The following FARS2 variants were observed in gnomAD, a reference collection of about 807,000 sequenced individuals.
The protein encoded by FARS2 is phenylalanyl-tRNA synthetase 2, mitochondrial.
Under a neutral mutation model 46.4 loss-of-function variants are expected in FARS2, and 40 were observed. The observed-to-expected ratio is 0.86, with a 90% CI of 0.67 to 1.12. The LOEUF is 1.12. Among genes scored for constraint, FARS2 ranks in the 50% most tolerant of loss-of-function variants. FARS2 has a pLI of 0.00. For synonymous variants in FARS2, 234 were observed against 214.9 expected, an observed-to-expected ratio of 1.09 and a Z score of -0.78; for missense variants, 513 against 567.9, an observed-to-expected ratio of 0.90 and a Z score of 0.98.
intron 4 of FARS2, among the ~76,000 whole-genome samples, chr6:5,533,865 G>A (rs1434032845): frequency 6.6e-6 from 1 of 152,224 alleles, no homozygotes; most frequent in Non-Finnish European, 1.5e-5. Context: ...GCTTTAAGGG[G>A]ACCCGGTGGC....
chr6:5,755,361 C>T (rs774819841), intron 6 of FARS2, among the ~76,000 whole-genome samples: 8 of 152,060 alleles, frequency 5.3e-5, no homozygotes, highest in Admixed American at 2.0e-4. Flanking sequence ...CTTGAGAGAC[C>T]CTGGTATGTG....
At chr6:5,662,904 G>T (rs1777915677) in intron 6 of FARS2, among the ~76,000 whole-genome samples, 1 of 152,162 alleles carries the variant, frequency 6.6e-6, no homozygotes, top group African/African-American at 2.4e-5. Flanking sequence ...TCATTGTAAG[G>T]ATTAAATTAG....
intron 1 of FARS2, among the ~76,000 whole-genome samples, chr6:5,278,041 A>C (rs889070449): frequency 6.6e-6 from 1 of 152,152 alleles, no homozygotes; most frequent in Non-Finnish European, 1.5e-5. Flanking sequence ...ATCTGTCATT[A>C]ATCTAAATTA....
At chr6:5,292,710 T>C (rs1767589367) in intron 1 of FARS2, among the ~76,000 whole-genome samples, 1 of 152,058 alleles carries the variant, frequency 6.6e-6, no homozygotes, top group Non-Finnish European at 1.5e-5. Context: ...GCCTGGAGCT[T>C]TTAAGGGAGA....
At chr6:5,414,710 C>T (rs1484710586) in intron 3 of FARS2, among the ~76,000 whole-genome samples, 1 of 149,038 alleles carries the variant, frequency 6.7e-6, no homozygotes, top group Non-Finnish European at 1.5e-5. Context: ...GCAAATGAAG[C>T]TTCTATAAAT....
intron 6 of FARS2, among the ~76,000 whole-genome samples, chr6:5,708,551 G>C (rs1240843142): frequency 6.6e-6 from 1 of 152,186 alleles, no homozygotes; most frequent in African/African-American, 2.4e-5. Flanking sequence ...AGATCTGTAA[G>C]TGGCAACCAA....
chr6:5,320,390 T>C (rs1192245893), intron 1 of FARS2, among the ~76,000 whole-genome samples: 1 of 152,208 alleles, frequency 6.6e-6, no homozygotes, highest in East Asian at 1.9e-4. Flanking sequence ...TTGACTGAGA[T>C]TCACCTCTGC....
At chr6:5,424,902 T>G (rs960550589) in intron 3 of FARS2, among the ~76,000 whole-genome samples, 1 of 152,210 alleles carries the variant, frequency 6.6e-6, no homozygotes, top group Admixed American at 6.5e-5. Context: ...CAGATGTCTT[T>G]GACAGTGGCG....
chr6:5,703,864 G>A (rs1260845804), intron 6 of FARS2, among the ~76,000 whole-genome samples: 3 of 152,146 alleles, frequency 2.0e-5, no homozygotes, highest in Admixed American at 2.0e-4. Flanking sequence ...TGGGTTCCTG[G>A]CTTCTCCTTC....
At chr6:5,256,086 T>C (rs1266464039), upstream of FARS2, among the ~76,000 whole-genome samples, 1 of 151,868 alleles carries the variant, frequency 6.6e-6, no homozygotes, top group Non-Finnish European at 1.5e-5. Flanking sequence ...CATGCCAAGA[T>C]TGAGAAATCC....
intron 6 of FARS2, among the ~76,000 whole-genome samples, chr6:5,668,698 T>C (rs1778278464): frequency 6.9e-6 from 1 of 143,986 alleles, no homozygotes; most frequent in African/African-American, 2.6e-5. Context: ...TTTTTTTTTT[T>C]TTTTTTTTTT....
chr6:5,770,572 C>G (rs1762982953), intron 6 of FARS2, among the ~76,000 whole-genome samples: 1 of 152,200 alleles, frequency 6.6e-6, no homozygotes, highest in Non-Finnish European at 1.5e-5. Context: ...GCCAGGCCTG[C>G]CAGTTCATGG....
At chr6:5,577,616 G>A (rs2150573010) in intron 5 of FARS2, among the ~76,000 whole-genome samples, 1 of 152,166 alleles carries the variant, frequency 6.6e-6, no homozygotes, top group Non-Finnish European at 1.5e-5. Context: ...GTCCTTTCTG[G>A]AGGATTTAAT....
At chr6:5,451,364 C>T (rs963042935) in intron 4 of FARS2, among the ~76,000 whole-genome samples, 6 of 152,054 alleles carry the variant, frequency 3.9e-5, no homozygotes, top group Admixed American at 1.3e-4. Context: ...CATTGCATTA[C>T]GTTTCATGAA....
chr6:5,581,435 G>A (rs144870399), intron 5 of FARS2, among the ~76,000 whole-genome samples: 1 of 152,166 alleles, frequency 6.6e-6, no homozygotes, highest in Non-Finnish European at 1.5e-5. Flanking sequence ...ATGTCTAGCC[G>A]GCTAGTGCTG....
chr6:5,649,731 A>G (rs1777251855), intron 6 of FARS2, among the ~76,000 whole-genome samples: 1 of 152,220 alleles, frequency 6.6e-6, no homozygotes, highest in Non-Finnish European at 1.5e-5. Flanking sequence ...GGTAAGTGGC[A>G]AAGCTGGGAT....
At chr6:5,726,982 A>C (rs1210412711) in intron 6 of FARS2, among the ~76,000 whole-genome samples, 2 of 152,228 alleles carry the variant, frequency 1.3e-5, no homozygotes, top group African/African-American at 4.8e-5. Context: ...GCACAGTTCA[A>C]ATACCTTCGT....
intron 6 of FARS2, among the ~76,000 whole-genome samples, chr6:5,622,168 A>G (rs561271070): frequency 4.6e-4 from 70 of 152,328 alleles, no homozygotes; most frequent in Non-Finnish European, 9.4e-4. Context: ...GGGGCCACTT[A>G]TAAAACAGCC....
intron 3 of FARS2, among the ~76,000 whole-genome samples, chr6:5,411,889 A>G (rs903307670): frequency 6.6e-6 from 1 of 152,200 alleles, no homozygotes; most frequent in Admixed American, 6.5e-5. Flanking sequence ...TGTGCTTAGT[A>G]GATCATTTCT....
Sources: allele counts gnomAD v4.1 joint callset (sites outside exome capture counted in the v4.1 genomes callset), GRCh38; gene constraint gnomAD v4.1.1; transcripts MANE v1.5; gene names NCBI Gene and HGNC (gene_info 2026-07-23, HGNC 2026-07-21).